Variants in PCDHA6 observed in about 807,000 individuals in gnomAD.
The protein encoded by PCDHA6 is protocadherin alpha-6.
A neutral mutation model predicts 60.3 loss-of-function variants in PCDHA6; 55 were observed. The observed-to-expected ratio is 0.91, with a 90% CI of 0.73 to 1.14. PCDHA6 has a LOEUF of 1.14. Ranked by LOEUF, PCDHA6 falls within the 50% of genes most tolerant of loss-of-function variation. The pLI, the probability that PCDHA6 is intolerant of heterozygous loss-of-function variation, is 0.00. For missense variants in PCDHA6, 1,327 were observed against 1,256.5 expected (o/e 1.06, Z -0.85); for synonymous variants, 652 against 557.9 (o/e 1.17, Z -2.38).
At chr5:140,856,595 A>G in intron 1 of PCDHA6, 1 of 1,597,868 alleles carries the variant, frequency 6.3e-7, no homozygotes. Context: ...TGATATTATA[A>G]ACAAAAAAGA....
chr5:140,925,964 CA>C lies in PCDHA6; in HGVS notation c.2395-52976del, dbSNP rs782520997. Among the ~76,000 whole-genome samples the C allele has an allele frequency of 8.1e-3, 1,224 of 150,190 alleles. 5 individuals carry two copies. The highest frequency in any genetic ancestry group is 0.019 in the African/African-American group (788 of 40,962). ...TGGAGAAGGAGAAACTGCTATCACG[CA>C]AAAAAAAAGCCTTGAGCTCGCTGGC... On this transcript the variant is annotated intron_variant, in intron 1 of 3. Transcript: ENST00000529310.
At chr5:140,975,093 T>C (rs578045924) in intron 1 of PCDHA6, among the ~76,000 whole-genome samples, 2 of 152,266 alleles carry the variant, frequency 1.3e-5, no homozygotes, top group South Asian at 2.1e-4. Context: ...ATCCAGTTGT[T>C]TGGGGACTGA....
At chr5:140,871,360 AG>A in intron 1 of PCDHA6, 1 of 1,614,180 alleles carries the variant, frequency 6.2e-7, no homozygotes, top group East Asian at 2.2e-5. Context: ...CTCGCAGCAG[AG>A]GCGGCAGAGG....
At position 140,843,775 on chromosome 5, in the gene PCDHA6, A is replaced by C. The variant is rs2150366589; in HGVS notation, c.2394+13290A>C. On this transcript the variant is annotated intron_variant, in intron 1 of 3. Coordinates refer to ENST00000529310, the MANE Select transcript of PCDHA6 (RefSeq NM_018909.4). The stretch of plus-strand genomic sequence containing the variant: ...ATTTGTGGAAATTGTAGTTACTTTA[A>C]AAGTGTTTCAGATTTAGTTTTTCAC... 8 of 1,450,698 alleles carry C rather than the reference A, an allele frequency of 5.5e-6. No homozygotes were observed. In the South Asian group the frequency reaches 1.0e-4, roughly 18 times the overall value. The allele number at this position is 1,450,698 out of a possible 1,614,324, so 89.9% of individuals were successfully genotyped here.
At chr5:140,938,881 A>T (rs2092243650) in intron 1 of PCDHA6, among the ~76,000 whole-genome samples, 1 of 152,088 alleles carries the variant, frequency 6.6e-6, no homozygotes, top group South Asian at 2.1e-4. Context: ...GAAGCAACAC[A>T]CACACACACA....
At chr5:140,896,191 C>T (rs987655303) in intron 1 of PCDHA6, among the ~76,000 whole-genome samples, 1 of 152,184 alleles carries the variant, frequency 6.6e-6, no homozygotes, top group African/African-American at 2.4e-5. Flanking sequence ...GTGAATAGTG[C>T]CATGATGAAC....
chr5:140,875,642 C>T (rs2153326944), intron 1 of PCDHA6: 3 of 1,613,606 alleles, frequency 1.9e-6, no homozygotes, highest in East Asian at 4.5e-5. Context: ...CTGGAGCTGG[C>T]GGAGCTGGTG....
Position 140,843,638 on chromosome 5 carries a change from A to G in PCDHA6, c.2394+13153A>G, listed in dbSNP as rs2150364336. On this transcript the variant is annotated intron_variant, in intron 1 of 3. Transcript: ENST00000529310. ...ACCGAAGACGGACCTCATGGCCTTC[A>G]GCCCCTGCCTTCCTCCTGATCTGGG... 6.9e-6 allele frequency: 11 copies of G among 1,595,882 alleles called. 1 individual carries two copies. In the African/African-American group the frequency reaches 9.4e-5, roughly 14 times the overall value.
intron 1 of PCDHA6, chr5:140,841,071 T>TAAATTATGATAA (rs1198848273): frequency 1.2e-5 from 6 of 492,312 alleles, no homozygotes; most frequent in Non-Finnish European, 2.1e-5. Context: ...GATAAAGAAA[T>TAAATTATGATAA]AGAAAGTGCA....
At chr5:140,871,086 G>T (rs556097993) in intron 1 of PCDHA6, 15 of 1,613,256 alleles carry the variant, frequency 9.3e-6, no homozygotes, top group Non-Finnish European at 1.1e-5. Context: ...TGACGGCCAC[G>T]GCCACCGTGC....
intron 1 of PCDHA6, among the ~76,000 whole-genome samples, chr5:140,895,700 A>G (rs2065117583): frequency 6.6e-6 from 1 of 152,022 alleles, no homozygotes; most frequent in Non-Finnish European, 1.5e-5. Context: ...ATATTAATTC[A>G]CTTGGGATAA....
chr5:140,875,744 A>G, intron 1 of PCDHA6: 2 of 1,614,206 alleles, frequency 1.2e-6, no homozygotes, highest in Non-Finnish European at 1.7e-6. Flanking sequence ...TCTCGGATCG[A>G]CCGCGAGAAG....
At chr5:140,972,316 G>T (rs2096531069) in intron 1 of PCDHA6, among the ~76,000 whole-genome samples, 2 of 139,864 alleles carry the variant, frequency 1.4e-5, no homozygotes, top group South Asian at 2.3e-4. Flanking sequence ...GTTTTTAGGT[G>T]TTTTTTTTTT....
rs971447494 is a variant in PCDHA6, at chr5:140,855,570, A to G, written c.2394+25085A>G. 1.4e-4 allele frequency among the ~76,000 whole-genome samples: 21 copies of G among 149,936 alleles called. 2 individuals carry two copies. Among genetic ancestry groups the G allele is most frequent in the African/African-American group, 5.1e-4 (21 of 40,914 alleles). ...GAACTTAAATGGAACTAAAGTTGTCATTTAATAAAATATTAGTATACTCAG... is the reference window on the plus strand; with the variant it reads ...GAACTTAAATGGAACTAAAGTTGTCGTTTAATAAAATATTAGTATACTCAG... On this transcript the variant is annotated intron_variant, in intron 1 of 3. Transcript: ENST00000529310.
At chr5:140,916,263 C>A (rs541005754) in intron 1 of PCDHA6, among the ~76,000 whole-genome samples, 43 of 152,316 alleles carry the variant, frequency 2.8e-4, no homozygotes, top group African/African-American at 1.0e-3. Flanking sequence ...ACCCCAAGAG[C>A]ATGCTTGTTG....
At chr5:140,909,428 G>A (rs2074488610) in intron 1 of PCDHA6, among the ~76,000 whole-genome samples, 1 of 152,150 alleles carries the variant, frequency 6.6e-6, no homozygotes, top group African/African-American at 2.4e-5. Context: ...TTAAACTTAT[G>A]ATAATCCACT....
chr5:140,900,653 T>C (rs1163740859), intron 1 of PCDHA6, among the ~76,000 whole-genome samples: 1 of 152,220 alleles, frequency 6.6e-6, no homozygotes, highest in Non-Finnish European at 1.5e-5. Flanking sequence ...ACTGCTGCAA[T>C]GAACAATGGG....
chr5:141,009,935 T>C lies in PCDHA6; in HGVS notation c.2851T>C (p.Ter951ArgextTer53). The change falls in exon 4 of 4, where the codon TGA (stop) becomes CGA (arginine). Residue 951 changes from the stop codon to arginine, a stop_lost. Coordinates refer to ENST00000529310, the MANE Select transcript of PCDHA6 (RefSeq NM_018909.4). ...CAGCACGACTGACAACAGTGACCAG[T>C]GAGGTCCTCAAATGGAAACAAGCCA... ...GNSTTDNSDQ[*>R] 1.2e-6 allele frequency: 2 copies of C among 1,602,416 alleles called. No homozygotes were observed. The highest frequency in any genetic ancestry group is 1.7e-6 in the Non-Finnish European group (2 of 1,176,054).
intron 1 of PCDHA6, among the ~76,000 whole-genome samples, chr5:140,950,241 G>T (rs191139851): frequency 2.0e-5 from 3 of 152,014 alleles, no homozygotes; most frequent in African/African-American, 4.8e-5. Flanking sequence ...CCATTAATTT[G>T]TTCCTAAAGA....
Sources: gnomAD v4.1 joint callset for allele counts (sites outside exome capture counted in the v4.1 genomes callset) on GRCh38, gnomAD v4.1.1 for gene constraint, MANE v1.5 for transcripts, NCBI Gene and HGNC (gene_info 2026-07-23, HGNC 2026-07-21) for gene names.